Variants in MYH7B observed in about 807,000 individuals in gnomAD.
The protein encoded by MYH7B is myosin heavy chain 7B.
Under a neutral mutation model 234.5 loss-of-function variants are expected in MYH7B, and 205 were observed. The observed-to-expected ratio is 0.87, with a 90% confidence interval of 0.78 to 0.98. MYH7B has a LOEUF of 0.98. MYH7B is among the 50% of genes least tolerant of loss of function. MYH7B has a pLI of 0.00. For synonymous variants in MYH7B, 1,193 were observed against 1,105.0 expected, an observed-to-expected ratio of 1.08 and a Z score of -1.58; for missense variants, 2,652 against 2,633.4, an observed-to-expected ratio of 1.01 and a Z score of -0.15.
At chr20:34,994,276 C>A in exon 27 of MYH7B, 1 of 1,612,736 alleles carries the variant, frequency 6.2e-7, no homozygotes, top group Non-Finnish European at 8.5e-7. Context: ...GCTGGCGGCC[C>A]TGCGGGCAGA....
In MYH7B at chr20:34,988,083, C is replaced by T; in HGVS notation, c.1417-9C>T. On this transcript the variant is annotated splice_polypyrimidine_tract_variant and intron_variant, in intron 18 of 44. Transcript: ENST00000262873. Reference sequence around the variant, plus strand: ...GAGGTCTGCTGAGCCAGGCCCCTCCCTCTTGTAGTTCAACAGCTTCGAACA... The same window carrying T: ...GAGGTCTGCTGAGCCAGGCCCCTCCTTCTTGTAGTTCAACAGCTTCGAACA... 3 of 1,610,446 alleles carry T rather than the reference C, an allele frequency of 1.9e-6. No homozygotes were observed. Among genetic ancestry groups the T allele is most frequent in the Non-Finnish European group, 2.5e-6 (3 of 1,177,972 alleles).
intron 16 of MYH7B, 38 bp downstream of exon 16, chr20:34,987,325 C>T: frequency 6.2e-7 from 1 of 1,604,374 alleles, no homozygotes. Context: ...TTGACCCAGA[C>T]CTCAGCATCC....
rs1468922964 is a variant in MYH7B at position 34,991,126 on chromosome 20, G to A, written c.2183+5G>A. The A allele has an allele frequency of 2.5e-6, 4 of 1,596,270 alleles. No homozygotes were observed. Among genetic ancestry groups the A allele is most frequent in the South Asian group, 2.3e-5 (2 of 88,882 alleles). ...CTACACCGACTTCCGGCAGCGGTGG[G>A]TGACCCCTTCCCCCTGCCTGCTGCT... is the stretch of plus-strand genomic sequence containing the variant. On this transcript the variant is annotated splice_donor_5th_base_variant and intron_variant, in intron 24 of 44. Transcript: ENST00000262873.
At position 35,001,906 on chromosome 20, in the gene MYH7B, TCA is replaced by T. The variant is rs780275547; in HGVS notation, c.5677-41_5677-40del. Reference sequence around the variant, plus strand: ...TGGGGCAGGGACCAGAATAAGCATCTCAGTCACCCAAGCGGAACCAAGGCCCT... The same window carrying T: ...TGGGGCAGGGACCAGAATAAGCATCTGTCACCCAAGCGGAACCAAGGCCCT... On this transcript the variant is annotated intron_variant, in intron 43 of 44. Transcript: ENST00000262873. 4.4e-6 allele frequency: 7 copies of T among 1,591,580 alleles called. No individual in the cohort carries two copies. In the South Asian group the frequency reaches 5.7e-5, roughly 13 times the overall value.
chr20:35,001,271 T>G, exon 42 of MYH7B: 1 of 1,612,594 alleles, frequency 6.2e-7, no homozygotes, highest in Non-Finnish European at 8.5e-7. Context: ...CTGAGCTTGA[T>G]GCAGAGCAGA....
At chr20:34,999,935 T>TC in intron 38 of MYH7B, 29 bp downstream of exon 38, 1 of 1,589,032 alleles carries the variant, frequency 6.3e-7, no homozygotes, top group East Asian at 2.3e-5. Flanking sequence ...CGTCCCCACC[T>TC]CCCGAGAGCA....
At chr20:34,990,530 G>T in intron 22 of MYH7B, 1 of 820,814 alleles carries the variant, frequency 1.2e-6, no homozygotes. Flanking sequence ...CTGGGGCTCT[G>T]GGAGGGACGG....
At chr20:34,999,314 C>T (rs1287045820) in exon 36 of MYH7B, 2 of 1,578,202 alleles carry the variant, frequency 1.3e-6, no homozygotes, top group Non-Finnish European at 1.7e-6. Context: ...AGTCCCGTGG[C>T]CTGGGCACCG....
In MYH7B at chr20:34,998,256, TCTAACTC is replaced by T; in HGVS notation, c.3748-36_3748-30del. 2 of 1,609,462 alleles carry T rather than the reference TCTAACTC, an allele frequency of 1.2e-6. 1 individual carries two copies. Among genetic ancestry groups the T allele is most frequent in the South Asian group, 2.2e-5 (2 of 90,580 alleles). On this transcript the variant is annotated intron_variant, in intron 32 of 44. Coordinates refer to ENST00000262873, the Ensembl canonical transcript of MYH7B. Reference sequence around the variant, plus strand: ...TCTGATGCACAAACTTGTTCTGACATCTAACTCCTGACCCCTGACTCCCAACCTGGGA... The same window carrying T: ...TCTGATGCACAAACTTGTTCTGACATCTGACCCCTGACTCCCAACCTGGGA...
At chr20:34,963,297 G>A (rs6088664) in intron 2 of MYH7B, among the ~76,000 whole-genome samples, 95,793 of 152,100 alleles carry the variant, frequency 0.63, 31,176 homozygotes, top group African/African-American at 0.79. Flanking sequence ...TGGCCATCCT[G>A]GTTGGTCATT....
At chr20:34,979,670 G>C (rs1368739752) in exon 7 of MYH7B, 1 of 1,614,160 alleles carries the variant, frequency 6.2e-7, no homozygotes, top group Admixed American at 1.7e-5. Flanking sequence ...GGTGCTGATG[G>C]TGCGTGAAGC....
At chr20:34,998,691 A>T (rs140401618) in intron 34 of MYH7B, 28 bp from the exon 35 acceptor site, 19,030 of 1,611,876 alleles carry the variant, frequency 0.012, 149 homozygotes, top group Non-Finnish European at 0.014. Flanking sequence ...GGGCTGCACT[A>T]ACGCTGAGGT....
exon 27 of MYH7B, chr20:34,994,202 G>C (rs927078344): frequency 1.9e-6 from 3 of 1,613,328 alleles, no homozygotes; most frequent in African/African-American, 2.7e-5. Flanking sequence ...GTCAAGAACT[G>C]GTCATGGATG....
intron 2 of MYH7B, among the ~76,000 whole-genome samples, chr20:34,974,178 T>G (rs1368804134): frequency 6.6e-6 from 1 of 151,172 alleles, no homozygotes; most frequent in African/African-American, 2.4e-5. Flanking sequence ...CCACCCGCCT[T>G]GGCTTCCCAA....
intron 9 of MYH7B, 57 bp downstream of exon 9, chr20:34,981,117 G>A (rs926032376): frequency 1.2e-6 from 2 of 1,602,572 alleles, no homozygotes; most frequent in East Asian, 4.5e-5. Context: ...GCAGAAAGAG[G>A]GCGGTACCAC....
intron 2 of MYH7B, among the ~76,000 whole-genome samples, chr20:34,966,546 T>A (rs2081743603): frequency 1.3e-5 from 2 of 152,180 alleles, no homozygotes. Context: ...AGTGTCTTGG[T>A]GGCAGTGGAA....
chr20:34,990,844 C>A lies in MYH7B; in HGVS notation c.2065+19C>A. 6.2e-7 allele frequency: 1 copy of A among 1,613,588 alleles called. No homozygotes were observed. The highest frequency in any genetic ancestry group is 8.5e-7 in the Non-Finnish European group (1 of 1,179,524). On this transcript the variant is annotated intron_variant, in intron 23 of 44. Transcript: ENST00000262873. ...ACCCCAGGTAGTCACCCAGGGCTGGCCTGGCTGGGGCCGGGAGGCATCATG... is the reference window on the plus strand; with the variant it reads ...ACCCCAGGTAGTCACCCAGGGCTGGACTGGCTGGGGCCGGGAGGCATCATG...
At chr20:34,984,001 C>T (rs1159858797) in intron 10 of MYH7B, among the ~76,000 whole-genome samples, 1 of 152,174 alleles carries the variant, frequency 6.6e-6, no homozygotes, top group Non-Finnish European at 1.5e-5. Flanking sequence ...CACTTAGTCC[C>T]CCTGGGTGAC....
intron 3 of MYH7B, among the ~76,000 whole-genome samples, chr20:34,977,049 CT>C (rs11478629): frequency 0.54 from 24,740 of 45,682 alleles, 2,853 homozygotes; most frequent in South Asian, 0.6. Flanking sequence ...CCCTCTCCCC[CT>C]ACCCCTCCCC....
Sources: gnomAD v4.1 joint callset for allele counts (sites outside exome capture counted in the v4.1 genomes callset) on GRCh38, gnomAD v4.1.1 for gene constraint, MANE v1.5 for transcripts, NCBI Gene and HGNC (gene_info 2026-07-23, HGNC 2026-07-21) for gene names.